GMDS: variants seen among roughly 807,000 people sequenced by gnomAD.
GMDS encodes GDP-mannose 4,6 dehydratase.
Under a neutral mutation model 49.9 loss-of-function variants are expected in GMDS, and 20 were observed. That is an observed-to-expected ratio of 0.40 (90% CI 0.28 to 0.58). The LOEUF (loss-of-function observed/expected upper bound fraction) is 0.58. GMDS is among the 20% of genes least tolerant of loss of function. GMDS has a pLI of 0.42. For missense variants in GMDS, 362 were observed against 481.4 expected, an observed-to-expected ratio of 0.75 and a Z score of 2.32; for synonymous variants, 177 against 178.6, an observed-to-expected ratio of 0.99 and a Z score of 0.07.
chr6:2,234,874 C>T (rs925151966), intron 1 of GMDS, among the ~76,000 whole-genome samples: 5 of 151,982 alleles, frequency 3.3e-5, no homozygotes, highest in Non-Finnish European at 7.4e-5. Flanking sequence ...ACCTGTAATC[C>T]CAGCACTCTG....
At chr6:2,203,157 C>T (rs1209668057) in intron 1 of GMDS, among the ~76,000 whole-genome samples, 1 of 152,008 alleles carries the variant, frequency 6.6e-6, no homozygotes, top group African/African-American at 2.4e-5. Flanking sequence ...TAATAAAAGG[C>T]CGATGCTTAT....
chr6:1,799,518 A>G (rs533524025), intron 7 of GMDS, among the ~76,000 whole-genome samples: 42 of 152,296 alleles, frequency 2.8e-4, no homozygotes, highest in African/African-American at 1.0e-3. Flanking sequence ...GGTCTTCATT[A>G]TTATCGAAAT....
At chr6:2,209,570 TACACACACACACACAC>T (rs61216869) in intron 1 of GMDS, among the ~76,000 whole-genome samples, 7 of 135,990 alleles carry the variant, frequency 5.1e-5, no homozygotes, top group Non-Finnish European at 8.3e-5. Context: ...CACATACACA[TACACACACACACACAC>T]ACACACACAC....
At chr6:1,685,214 T>C (rs1189818173) in intron 9 of GMDS, among the ~76,000 whole-genome samples, 1 of 32,566 alleles carries the variant, frequency 3.1e-5, no homozygotes, top group African/African-American at 1.0e-4. Context: ...CTGGTCAACA[T>C]GGTGAGACCC....
At chr6:2,121,772 G>A (rs759471988) in intron 2 of GMDS, among the ~76,000 whole-genome samples, 1 of 152,182 alleles carries the variant, frequency 6.6e-6, no homozygotes, top group Non-Finnish European at 1.5e-5. Context: ...GTCTAACTGT[G>A]CTACATGAAT....
At chr6:1,679,481 G>A (rs1962133) in intron 9 of GMDS, 63,620 of 152,132 alleles carry the variant, frequency 0.42, 14,238 homozygotes, top group East Asian at 0.6. Flanking sequence ...CCAGGCAAGG[G>A]GGCCCCAGCT....
intron 7 of GMDS, among the ~76,000 whole-genome samples, chr6:1,868,891 T>C (rs768316130): frequency 7.2e-5 from 11 of 152,268 alleles, no homozygotes; most frequent in Non-Finnish European, 1.3e-4. Flanking sequence ...ATATTTATTT[T>C]AATGAATTAC....
At chr6:1,968,327 G>C (rs545733090) in intron 4 of GMDS, among the ~76,000 whole-genome samples, 1 of 152,288 alleles carries the variant, frequency 6.6e-6, no homozygotes, top group South Asian at 2.1e-4. Context: ...GGTAACTACA[G>C]TGCTCACAAT....
chr6:2,060,960 C>T (rs560050281), intron 4 of GMDS, among the ~76,000 whole-genome samples: 32 of 151,070 alleles, frequency 2.1e-4, no homozygotes, highest in African/African-American at 7.5e-4. Context: ...ATGGAGGTTG[C>T]GGTGAGCCAA....
chr6:1,624,401 C>G (rs151161492), intron 10 of GMDS, 71 bp downstream of exon 10: 8 of 1,430,182 alleles, frequency 5.6e-6, no homozygotes, highest in Non-Finnish European at 7.8e-6. Flanking sequence ...CTCAGGCGCC[C>G]GACCCTGAGA....
chr6:1,756,200 G>A (rs570209138), intron 7 of GMDS, among the ~76,000 whole-genome samples: 2 of 151,394 alleles, frequency 1.3e-5, no homozygotes, highest in African/African-American at 2.4e-5. Context: ...AACAAAGGCT[G>A]TTTCACTGTC....
At chr6:1,832,308 C>T (rs549657742) in intron 7 of GMDS, among the ~76,000 whole-genome samples, 2 of 151,872 alleles carry the variant, frequency 1.3e-5, no homozygotes, top group Middle Eastern at 3.4e-3. Context: ...GGAAGCTCCT[C>T]GAACCCACCA....
At chr6:1,659,168 G>A (rs1004576606) in intron 9 of GMDS, among the ~76,000 whole-genome samples, 1 of 151,814 alleles carries the variant, frequency 6.6e-6, no homozygotes, top group African/African-American at 2.4e-5. Context: ...AGGGAGGCTG[G>A]GCAGGGGACA....
chr6:1,675,000 C>A (rs546712029), intron 9 of GMDS, among the ~76,000 whole-genome samples: 1 of 151,862 alleles, frequency 6.6e-6, no homozygotes, highest in Non-Finnish European at 1.5e-5. Context: ...TGCAATGATG[C>A]GATCTCGGCT....
At chr6:1,660,729 C>T (rs1467176312) in intron 9 of GMDS, among the ~76,000 whole-genome samples, 1 of 145,460 alleles carries the variant, frequency 6.9e-6, no homozygotes, top group African/African-American at 2.5e-5. Context: ...TTATTAGTAT[C>T]TAGTATCTGA....
chr6:2,070,167 A>G (rs1337669351), intron 4 of GMDS, among the ~76,000 whole-genome samples: 1 of 150,896 alleles, frequency 6.6e-6, no homozygotes, highest in Non-Finnish European at 1.5e-5. Flanking sequence ...CTATCGCAAG[A>G]ACAAAAAACA....
intron 6 of GMDS, among the ~76,000 whole-genome samples, chr6:1,941,849 C>T (rs547735875): frequency 1.1e-4 from 16 of 152,224 alleles, no homozygotes; most frequent in South Asian, 6.2e-4. Flanking sequence ...AGAACACAAA[C>T]GCAGGAAGGC....
At chr6:1,967,644 G>A (rs1293612228) in intron 4 of GMDS, among the ~76,000 whole-genome samples, 2 of 152,212 alleles carry the variant, frequency 1.3e-5, no homozygotes, top group African/African-American at 2.4e-5. Flanking sequence ...GTGCAGGCAG[G>A]AGGAGATAGT....
intron 7 of GMDS, among the ~76,000 whole-genome samples, chr6:1,867,697 T>C (rs930159572): frequency 8.5e-5 from 13 of 152,240 alleles, no homozygotes; most frequent in Non-Finnish European, 1.5e-5. Flanking sequence ...TTCCCTCTAT[T>C]AATTAGGTAA....
Sources: gnomAD v4.1 joint callset for allele counts (sites outside exome capture counted in the v4.1 genomes callset) on GRCh38, gnomAD v4.1.1 for gene constraint, MANE v1.5 for transcripts, NCBI Gene and HGNC (gene_info 2026-07-23, HGNC 2026-07-21) for gene names.